Variants in SDC2 observed in about 807,000 individuals in gnomAD.
SDC2 encodes the protein syndecan-2.
In SDC2, 13 loss-of-function variants were observed where a neutral mutation model predicts 22.2. The ratio of observed to expected loss-of-function variants is 0.59; its 90% CI spans 0.38 to 0.93. SDC2 has a LOEUF of 0.93. Ranked by LOEUF, SDC2 falls within the 40% of genes least tolerant of loss-of-function variation. The probability of loss-of-function intolerance (pLI) is 0.00; values close to 1 mark genes in which losing one functional copy is unlikely to be tolerated. For synonymous variants in SDC2, 94 were observed against 92.8 expected (o/e 1.01, Z -0.07); for missense variants, 235 against 246.8 (o/e 0.95, Z 0.32).
chr8:96,593,438 TA>T (rs1217917130), intron 1 of SDC2, 41 bp from the exon 2 acceptor site: 1 of 1,357,092 alleles, frequency 7.4e-7, no homozygotes, highest in South Asian at 1.2e-5. Context: ...GTGTGTTTCT[TA>T]ATCTCTCAAC....
chr8:96,583,705 GTGTGTGTGTGTGTATA>G (rs1417589726), intron 1 of SDC2, among the ~76,000 whole-genome samples: 1 of 131,578 alleles, frequency 7.6e-6, no homozygotes, highest in East Asian at 2.8e-4. Flanking sequence ...GTGTGTGTGT[GTGTGTGTGTGTGTATA>G]TATATATATG....
At chr8:96,524,322 C>G (rs1256254803) in intron 1 of SDC2, among the ~76,000 whole-genome samples, 1 of 152,168 alleles carries the variant, frequency 6.6e-6, no homozygotes, top group Non-Finnish European at 1.5e-5. Flanking sequence ...ATTATCATGG[C>G]TGACCTTTCG....
At chr8:96,524,874 G>A (rs1373337824) in intron 1 of SDC2, among the ~76,000 whole-genome samples, 1 of 152,074 alleles carries the variant, frequency 6.6e-6, no homozygotes, top group Non-Finnish European at 1.5e-5. Flanking sequence ...TTATATTTTT[G>A]TGTGGTTTAC....
chr8:96,611,435 T>G lies in SDC2; in HGVS notation c.*1887T>G, dbSNP rs908442725. On this transcript the variant is annotated 3_prime_UTR_variant, in exon 5 of 5. Coordinates refer to ENST00000302190, the MANE Select transcript of SDC2 (RefSeq NM_002998.4). ...ACATAATTCATTAAAAACATTTTTT[T>G]AAGCAACACTTGGAACAGTGTTTAC... The G allele has an allele frequency of 5.2e-5, 8 of 152,656 alleles. No homozygotes were observed. The East Asian group carries it at 1.3e-3, about 26-fold the overall frequency. 9.5% of individuals were successfully genotyped at this position (152,656 alleles called of 1,614,324 possible).
chr8:96,605,883 T>A (rs1815070214), intron 3 of SDC2, among the ~76,000 whole-genome samples: 1 of 152,190 alleles, frequency 6.6e-6, no homozygotes, highest in South Asian at 2.1e-4. Flanking sequence ...AGAAGTATGA[T>A]GTGGTCAGGG....
intron 1 of SDC2, among the ~76,000 whole-genome samples, chr8:96,528,314 C>T (rs553481745): frequency 1.3e-5 from 2 of 152,108 alleles, no homozygotes; most frequent in Non-Finnish European, 2.9e-5. Context: ...GATTGCTCAA[C>T]TTAAGTACAT....
chr8:96,549,586 T>C (rs1025140016), intron 1 of SDC2, among the ~76,000 whole-genome samples: 2 of 152,210 alleles, frequency 1.3e-5, no homozygotes, highest in Admixed American at 6.5e-5. Context: ...GATTATTAAT[T>C]TGCCTTGTGT....
At chr8:96,560,495 T>C (rs1028719260) in intron 1 of SDC2, among the ~76,000 whole-genome samples, 5 of 152,204 alleles carry the variant, frequency 3.3e-5, no homozygotes, top group African/African-American at 1.2e-4. Context: ...TCTTTTAAAA[T>C]AGTTGGTGGA....
At chr8:96,544,902 A>G (rs1048869973) in intron 1 of SDC2, among the ~76,000 whole-genome samples, 4 of 152,228 alleles carry the variant, frequency 2.6e-5, no homozygotes, top group African/African-American at 7.2e-5. Context: ...ATAGGTTATC[A>G]TGTACTGTTT....
intron 1 of SDC2, among the ~76,000 whole-genome samples, chr8:96,548,422 G>A (rs1813970938): frequency 6.6e-6 from 1 of 152,116 alleles, no homozygotes; most frequent in South Asian, 2.1e-4. Flanking sequence ...TTTCAGATTT[G>A]GGATTCTCAA....
intron 1 of SDC2, among the ~76,000 whole-genome samples, chr8:96,584,249 C>T (rs1814644313): frequency 6.6e-6 from 1 of 152,202 alleles, no homozygotes. Context: ...CTTTCTCCAG[C>T]CTGAGCTGAA....
At chr8:96,499,922 G>A (rs1813135828) in intron 1 of SDC2, among the ~76,000 whole-genome samples, 1 of 152,174 alleles carries the variant, frequency 6.6e-6, no homozygotes, top group Non-Finnish European at 1.5e-5. Flanking sequence ...GTGCTGAGCT[G>A]GGTAAACATC....
intron 1 of SDC2, among the ~76,000 whole-genome samples, chr8:96,512,147 A>G (rs1328387898): frequency 6.6e-6 from 1 of 152,142 alleles, no homozygotes; most frequent in Non-Finnish European, 1.5e-5. Context: ...CTTATATCCC[A>G]CTATTTGCAG....
chr8:96,584,082 G>A (rs1027231227), intron 1 of SDC2, among the ~76,000 whole-genome samples: 1 of 152,182 alleles, frequency 6.6e-6, no homozygotes, highest in African/African-American at 2.4e-5. Context: ...GCCAATTTCT[G>A]TTAGTTGGCA....
chr8:96,519,313 C>G (rs181933879), intron 1 of SDC2, among the ~76,000 whole-genome samples: 2 of 152,284 alleles, frequency 1.3e-5, no homozygotes, highest in Non-Finnish European at 2.9e-5. Context: ...TTGTAAAATC[C>G]TCAAATTTCA....
At position 96,494,092 on chromosome 8, in the gene SDC2, G is replaced by A. The variant is rs533499804; in HGVS notation, c.-180G>A. 18 of 588,622 alleles carry A rather than the reference G, an allele frequency of 3.1e-5. No homozygotes were observed. The highest frequency in any genetic ancestry group is 2.4e-4 in the South Asian group (11 of 44,956). 36.5% of individuals were successfully genotyped at this position (588,622 alleles called of 1,614,324 possible). ...GGCGCAGCTGCGGGCGGCGGGAGCA[G>A]GCGCAGGAGGAGGAAGCGAGCGCCC... On this transcript the variant is annotated 5_prime_UTR_variant, in exon 1 of 5. Transcript: ENST00000302190.
At chr8:96,542,094 T>C (rs1049169442) in intron 1 of SDC2, among the ~76,000 whole-genome samples, 12 of 152,200 alleles carry the variant, frequency 7.9e-5, no homozygotes, top group Admixed American at 3.3e-4. Context: ...GAAATGGCTC[T>C]CTTTGTAATT....
rs542048902 is a variant in SDC2, at chr8:96,542,180, C to T, written c.60+47849C>T. Among the ~76,000 whole-genome samples, 9 of 152,318 alleles carry T rather than the reference C, an allele frequency of 5.9e-5. No homozygotes were observed. In the East Asian group the frequency reaches 1.7e-3, roughly 29 times the overall value. Reference sequence around the variant, plus strand: ...GCATCCCAAAGCCAATGCCGTGGATCATTTTAACCGGCTGCTGCTTTAACT... The same window carrying T: ...GCATCCCAAAGCCAATGCCGTGGATTATTTTAACCGGCTGCTGCTTTAACT... On this transcript the variant is annotated intron_variant, in intron 1 of 4. Transcript: ENST00000302190.
In SDC2 at chr8:96,596,272, T is replaced by C. The variant is rs181207814; in HGVS notation, c.172+2681T>C. On this transcript the variant is annotated intron_variant, in intron 2 of 4. Coordinates refer to ENST00000302190, the MANE Select transcript of SDC2 (RefSeq NM_002998.4). Reference sequence around the variant, plus strand: ...GCTGCCTCCTTGTGTCATAAACCCCTTCTAGAATTACCCAGTTCCAGCTTA... The same window carrying C: ...GCTGCCTCCTTGTGTCATAAACCCCCTCTAGAATTACCCAGTTCCAGCTTA... Among the ~76,000 whole-genome samples the C allele has an allele frequency of 1.3e-3, 202 of 152,300 alleles. 5 individuals are homozygous for C. The East Asian group carries it at 0.03, about 22-fold the overall frequency.
Sources: allele counts gnomAD v4.1 joint callset (sites outside exome capture counted in the v4.1 genomes callset), GRCh38; gene constraint gnomAD v4.1.1; transcripts MANE v1.5; gene names NCBI Gene and HGNC (gene_info 2026-07-23, HGNC 2026-07-21).